The following NRG3 variants were observed in gnomAD, a reference collection of about 807,000 sequenced individuals.
The protein encoded by NRG3 is pro-neuregulin-3, membrane-bound isoform.
NRG3 carries 31 observed loss-of-function variants against 66.9 expected under a neutral mutation model. The ratio of observed to expected loss-of-function variants is 0.46; its 90% confidence interval spans 0.35 to 0.63. NRG3 has a LOEUF of 0.63. Among genes scored for constraint, NRG3 ranks in the 20% least tolerant of loss-of-function variants. The pLI, the probability that NRG3 is intolerant of heterozygous loss-of-function variation, is 0.00. For synonymous variants in NRG3, 393 were observed against 359.4 expected (o/e 1.09, Z -1.06); for missense variants, 910 against 878.9 (o/e 1.04, Z -0.45).
At chr10:81,990,496 A>T (rs546457762) in intron 1 of NRG3, among the ~76,000 whole-genome samples, 3 of 152,174 alleles carry the variant, frequency 2.0e-5, no homozygotes, top group Non-Finnish European at 2.9e-5. Context: ...CAACATATTC[A>T]CATTGGTTTC....
chr10:82,660,098 A>G (rs537493882), intron 2 of NRG3, among the ~76,000 whole-genome samples: 11 of 148,760 alleles, frequency 7.4e-5, no homozygotes, highest in African/African-American at 2.7e-4. Context: ...CCAGAGGCTG[A>G]GGCAAGTGAA....
chr10:82,668,238 C>T (rs2052957108), intron 2 of NRG3, among the ~76,000 whole-genome samples: 2 of 152,164 alleles, frequency 1.3e-5, no homozygotes, highest in Admixed American at 1.3e-4. Flanking sequence ...GCTAGGTTCT[C>T]TGGAAATGCA....
intron 6 of NRG3, among the ~76,000 whole-genome samples, chr10:82,969,211 G>C (rs1166110352): frequency 1.3e-5 from 2 of 152,140 alleles, no homozygotes; most frequent in African/African-American, 4.8e-5. Context: ...CATCTCACTT[G>C]TTTTTGTAGC....
At chr10:82,466,935 A>G (rs1299245425) in intron 2 of NRG3, among the ~76,000 whole-genome samples, 1 of 151,866 alleles carries the variant, frequency 6.6e-6, no homozygotes, top group African/African-American at 2.4e-5. Flanking sequence ...AAAACAAAAC[A>G]TATTGGCCAT....
intron 2 of NRG3, among the ~76,000 whole-genome samples, chr10:82,363,490 C>T (rs1416583741): frequency 6.6e-6 from 1 of 152,176 alleles, no homozygotes; most frequent in Non-Finnish European, 1.5e-5. Context: ...GAGTCTCGCT[C>T]TGTCACCCAG....
At chr10:82,541,956 G>T (rs2043571810) in intron 2 of NRG3, among the ~76,000 whole-genome samples, 2 of 152,138 alleles carry the variant, frequency 1.3e-5, no homozygotes, top group South Asian at 4.1e-4. Context: ...TGCTGAGCAT[G>T]CAGGTTTGTT....
At chr10:82,313,276 G>T (rs1455968952) in intron 1 of NRG3, among the ~76,000 whole-genome samples, 2 of 152,230 alleles carry the variant, frequency 1.3e-5, no homozygotes, top group South Asian at 2.1e-4. Flanking sequence ...GGCAGAGGTT[G>T]CAGGGAGCCG....
At chr10:82,323,887 G>A (rs1045284994) in intron 1 of NRG3, among the ~76,000 whole-genome samples, 9 of 151,928 alleles carry the variant, frequency 5.9e-5, no homozygotes, top group South Asian at 2.1e-4. Flanking sequence ...TTTATGAGAC[G>A]GAGTTTCACT....
chr10:82,376,256 C>T (rs575778023), intron 2 of NRG3, among the ~76,000 whole-genome samples: 9 of 152,188 alleles, frequency 5.9e-5, no homozygotes, highest in East Asian at 3.9e-4. Context: ...TCAGATAGCC[C>T]GAACACATGC....
chr10:82,310,774 A>G (rs1309353733), intron 1 of NRG3, among the ~76,000 whole-genome samples: 1 of 152,138 alleles, frequency 6.6e-6, no homozygotes, highest in African/African-American at 2.4e-5. Context: ...GCAATAAAAA[A>G]TTCAGTCTTG....
intron 3 of NRG3, among the ~76,000 whole-genome samples, chr10:82,855,713 T>C (rs2063770313): frequency 1.3e-5 from 2 of 151,946 alleles, no homozygotes; most frequent in Admixed American, 1.3e-4. Flanking sequence ...CCTTCATTGA[T>C]ACTAATGTAG....
intron 1 of NRG3, among the ~76,000 whole-genome samples, chr10:82,300,456 A>G (rs1035706395): frequency 6.6e-6 from 1 of 152,232 alleles, no homozygotes; most frequent in Non-Finnish European, 1.5e-5. Context: ...AAGTGAATAC[A>G]GAAAAATTAA....
Position 82,132,459 on chromosome 10 carries a change from G to GAT in NRG3, c.824-226273_824-226272dup, listed in dbSNP as rs373049031. ...TTGCTAATATCTTTTATATATATATGATATATATGATATATATATGATATA... is the reference window on the plus strand; with the variant it reads ...TTGCTAATATCTTTTATATATATATGATATATATATGATATATATATGATATA... On this transcript the variant is annotated intron_variant, in intron 1 of 8. Coordinates refer to ENST00000372141, the MANE Select transcript of NRG3 (RefSeq NM_001010848.4). Among the ~76,000 whole-genome samples, 115 of 110,640 alleles carry GAT rather than the reference G, an allele frequency of 1.0e-3. 5 individuals carry two copies. Among genetic ancestry groups the GAT allele is most frequent in the African/African-American group, 3.1e-3 (77 of 25,182 alleles). The allele number at this position is 110,640 out of a possible 152,430, so 72.6% of individuals were successfully genotyped here.
Position 82,109,575 on chromosome 10 carries a change from G to A in NRG3, c.823+233412G>A, listed in dbSNP as rs570115834. ...TGTGTGTGTGTGTGTGTGTGTGTGT[G>A]TGTATATATATATTTTCAGATCAAA... On this transcript the variant is annotated intron_variant, in intron 1 of 8. Transcript: ENST00000372141. 2.4e-3 allele frequency among the ~76,000 whole-genome samples: 288 copies of A among 118,638 alleles called. 2 individuals carry two copies. The highest frequency in any genetic ancestry group is 9.2e-3 in the African/African-American group (257 of 27,854). The allele number at this position is 118,638 out of a possible 152,430, so 77.8% of individuals were successfully genotyped here.
chr10:82,832,312 C>T (rs539773970), intron 3 of NRG3, among the ~76,000 whole-genome samples: 2 of 152,246 alleles, frequency 1.3e-5, no homozygotes, highest in South Asian at 4.1e-4. Context: ...AACTTGGGCC[C>T]AGTTCTCAAA....
intron 2 of NRG3, among the ~76,000 whole-genome samples, chr10:82,721,839 C>T (rs368801560): frequency 2.0e-5 from 3 of 151,992 alleles, no homozygotes; most frequent in African/African-American, 7.3e-5. Flanking sequence ...GTAATTTGCC[C>T]AGTTTCCACA....
chr10:82,569,335 G>GTA (rs1350579565), intron 2 of NRG3, among the ~76,000 whole-genome samples: 1 of 151,690 alleles, frequency 6.6e-6, no homozygotes. Context: ...CTAACTAGCA[G>GTA]TATTACCTAG....
chr10:82,204,901 T>C (rs1348781872), intron 1 of NRG3, among the ~76,000 whole-genome samples: 2 of 152,218 alleles, frequency 1.3e-5, no homozygotes, highest in Non-Finnish European at 2.9e-5. Flanking sequence ...TGAGGATGTT[T>C]GCACAAGGTT....
intron 1 of NRG3, among the ~76,000 whole-genome samples, chr10:82,219,370 A>C (rs1479930438): frequency 2.0e-5 from 3 of 151,202 alleles, no homozygotes; most frequent in Non-Finnish European, 2.9e-5. Context: ...GTAGTCATCC[A>C]AACTCGAGAT....
Sources: allele counts gnomAD v4.1 joint callset (sites outside exome capture counted in the v4.1 genomes callset), GRCh38; gene constraint gnomAD v4.1.1; transcripts MANE v1.5; gene names NCBI Gene and HGNC (gene_info 2026-07-23, HGNC 2026-07-21).